WASL: variants seen among roughly 807,000 people sequenced by gnomAD.
The protein encoded by WASL is WASP like actin nucleation promoting factor, also known as actin nucleation-promoting factor WASL.
WASL carries 20 observed loss-of-function variants against 55.5 expected under a neutral mutation model. The observed-to-expected ratio is 0.36, with a 90% confidence interval of 0.25 to 0.52. The LOEUF (loss-of-function observed/expected upper bound fraction) is 0.52, where lower values mean the gene tolerates loss of function less well. Among genes scored for constraint, WASL ranks in the 20% least tolerant of loss-of-function variants. The pLI is 0.92. For missense variants in WASL, 504 were observed against 622.5 expected (o/e 0.81, Z 2.03); for synonymous variants, 249 against 217.6 (o/e 1.14, Z -1.27).
rs1402322049 is a variant in WASL, at chr7:123,697,590, A to T, written c.461-843T>A. ...TATTTTTATATATGGTTCTCTGACA[A>T]ATCCTCCTTTGAGACCAAGTTCCTC... On this transcript the variant is annotated intron_variant, in intron 5 of 10. Transcript: ENST00000223023. Among the ~76,000 whole-genome samples, 3 of 152,326 alleles carry T rather than the reference A, an allele frequency of 2.0e-5. No individual in the cohort carries two copies. In the East Asian group the frequency reaches 5.8e-4, roughly 29 times the overall value.
At chr7:123,697,686 A>G (rs1803514328) in intron 5 of WASL, among the ~76,000 whole-genome samples, 1 of 152,206 alleles carries the variant, frequency 6.6e-6, no homozygotes, top group South Asian at 2.1e-4. Flanking sequence ...AAAAGAGTTT[A>G]AGGCAGCACA....
At chr7:123,702,248 G>GT (rs2116781931) in intron 5 of WASL, among the ~76,000 whole-genome samples, 1 of 152,130 alleles carries the variant, frequency 6.6e-6, no homozygotes, top group Non-Finnish European at 1.5e-5. Flanking sequence ...TAGAGACGGG[G>GT]TTTCGTTATG....
chr7:123,730,834 T>C (rs1271945305), intron 1 of WASL, among the ~76,000 whole-genome samples: 1 of 152,182 alleles, frequency 6.6e-6, no homozygotes, highest in East Asian at 1.9e-4. Context: ...GGAGTACATG[T>C]GCAGGTTTGT....
In WASL at chr7:123,741,124, C is replaced by G. The variant is rs559510184; in HGVS notation, c.117+7494G>C. Among the ~76,000 whole-genome samples, 8 of 152,212 alleles carry G rather than the reference C, an allele frequency of 5.3e-5. No homozygotes were observed. In the East Asian group the frequency reaches 1.5e-3, roughly 29 times the overall value. ...CCCTGCGATGGGATGATGTCCTGTC[C>G]AGGGTTGGTTCTTGCCTTGTACCCT... On this transcript the variant is annotated intron_variant, in intron 1 of 10. Transcript: ENST00000223023.
chr7:123,701,153 T>G lies in WASL; in HGVS notation c.460+3481A>C, dbSNP rs1803583264. On this transcript the variant is annotated intron_variant, in intron 5 of 10. Transcript: ENST00000223023. ...TTAGTAACAGATGTACGTACTGAAG[T>G]CATTTCTAGTAAAGTTTAATTATTC... 2.6e-5 allele frequency among the ~76,000 whole-genome samples: 4 copies of G among 152,230 alleles called. No individual in the cohort carries two copies. The South Asian group carries it at 6.2e-4, about 24-fold the overall frequency.
At position 123,699,614 on chromosome 7, in the gene WASL, G is replaced by A. The variant is rs899422523; in HGVS notation, c.461-2867C>T. Among the ~76,000 whole-genome samples the A allele has an allele frequency of 1.2e-4, 18 of 152,104 alleles. 1 individual carries two copies. ...AAGTTTAATGATTTAAATTATCCAAGCTAGTATATTTTTGAAAAATCAGCT... is the reference window on the plus strand; with the variant it reads ...AAGTTTAATGATTTAAATTATCCAAACTAGTATATTTTTGAAAAATCAGCT... On this transcript the variant is annotated intron_variant, in intron 5 of 10. Coordinates refer to ENST00000223023, the MANE Select transcript of WASL (RefSeq NM_003941.4).
At chr7:123,724,865 C>G (rs965584165) in intron 1 of WASL, among the ~76,000 whole-genome samples, 23 of 152,128 alleles carry the variant, frequency 1.5e-4, no homozygotes, top group African/African-American at 5.3e-4. Context: ...CCCCTTCATA[C>G]TGTTTTAAAT....
At chr7:123,702,184 T>TC (rs1803601362) in intron 5 of WASL, among the ~76,000 whole-genome samples, 1 of 151,878 alleles carries the variant, frequency 6.6e-6, no homozygotes, top group Non-Finnish European at 1.5e-5. Flanking sequence ...GCCTCCCGAG[T>TC]AGCTGGGATT....
intron 1 of WASL, among the ~76,000 whole-genome samples, chr7:123,734,591 TAAAAAA>T (rs71161498): frequency 1.1e-5 from 1 of 92,362 alleles, no homozygotes; most frequent in African/African-American, 4.2e-5. Flanking sequence ...ATAGAAAATG[TAAAAAA>T]AAAAAAAAAA....
intron 4 of WASL, among the ~76,000 whole-genome samples, chr7:123,705,437 T>C (rs771272489): frequency 1.1e-4 from 17 of 152,176 alleles, no homozygotes; most frequent in Non-Finnish European, 1.6e-4. Flanking sequence ...GCCACTTGAG[T>C]AGACAGAGTC....
intron 10 of WASL, among the ~76,000 whole-genome samples, chr7:123,685,182 A>G (rs969822441): frequency 9.2e-5 from 14 of 151,942 alleles, no homozygotes; most frequent in African/African-American, 2.2e-4. Flanking sequence ...AAATGGAGTG[A>G]TATTATTTAA....
intron 1 of WASL, among the ~76,000 whole-genome samples, chr7:123,723,704 G>T (rs1196896418): frequency 1.3e-5 from 2 of 152,158 alleles, no homozygotes; most frequent in African/African-American, 4.8e-5. Flanking sequence ...TAGTAAGGAA[G>T]GAGAGGCTTG....
rs192395936 is a variant in WASL at position 123,717,973 on chromosome 7, T to C, written c.118-8750A>G. Among the ~76,000 whole-genome samples the C allele has an allele frequency of 1.1e-3, 171 of 152,282 alleles. 1 individual carries two copies. The highest frequency in any genetic ancestry group is 1.7e-3 in the Non-Finnish European group (117 of 68,032). On this transcript the variant is annotated intron_variant, in intron 1 of 10. Coordinates refer to ENST00000223023, the MANE Select transcript of WASL (RefSeq NM_003941.4). The stretch of plus-strand genomic sequence containing the variant: ...ATGGTTGGTACTCTGTCAAGTCTTA[T>C]GCAAGAGGAAAAGACTCTTCCTATA...
chr7:123,742,517 T>C (rs1410905275), intron 1 of WASL, among the ~76,000 whole-genome samples: 1 of 152,162 alleles, frequency 6.6e-6, no homozygotes, highest in Non-Finnish European at 1.5e-5. Context: ...TTTTTTAATA[T>C]TGGAAAATAA....
intron 1 of WASL, among the ~76,000 whole-genome samples, chr7:123,747,564 T>G (rs1301882670): frequency 6.6e-6 from 1 of 152,210 alleles, no homozygotes; most frequent in African/African-American, 2.4e-5. Context: ...CTAATATTAC[T>G]TAAAGGAGTT....
At chr7:123,747,089 C>A (rs371745237) in intron 1 of WASL, among the ~76,000 whole-genome samples, 2 of 152,020 alleles carry the variant, frequency 1.3e-5, no homozygotes, top group Non-Finnish European at 2.9e-5. Flanking sequence ...TTCTTTAACA[C>A]CACTTTTAGA....
At chr7:123,704,852 G>A (rs1803643301) in intron 4 of WASL, among the ~76,000 whole-genome samples, 195 bp from the exon 5 acceptor site, 1 of 152,110 alleles carries the variant, frequency 6.6e-6, no homozygotes, top group South Asian at 2.1e-4. Context: ...AGGCCCCAAG[G>A]AGGGTGCAAC....
At chr7:123,740,990 G>C (rs141593505) in intron 1 of WASL, among the ~76,000 whole-genome samples, 45 of 152,242 alleles carry the variant, frequency 3.0e-4, no homozygotes, top group African/African-American at 1.1e-3. Context: ...CTGGGTACTT[G>C]GATTTCCTCC....
intron 1 of WASL, among the ~76,000 whole-genome samples, chr7:123,733,141 T>C (rs1345196062): frequency 6.6e-6 from 1 of 152,194 alleles, no homozygotes; most frequent in African/African-American, 2.4e-5. Flanking sequence ...TCCTATTCCA[T>C]ATCCTTCTAG....
Sources: gnomAD v4.1 joint callset for allele counts (sites outside exome capture counted in the v4.1 genomes callset) on GRCh38, gnomAD v4.1.1 for gene constraint, MANE v1.5 for transcripts, NCBI Gene and HGNC (gene_info 2026-07-23, HGNC 2026-07-21) for gene names.